The following KCND2 variants were observed in gnomAD, a reference collection of about 807,000 sequenced individuals.
KCND2 encodes the protein A-type voltage-gated potassium channel KCND2.
In KCND2, 16 loss-of-function variants were observed where a neutral mutation model predicts 54.4. The ratio of observed to expected loss-of-function variants is 0.29; its 90% CI spans 0.20 to 0.45. KCND2 has a LOEUF of 0.45. Ranked by LOEUF, KCND2 falls within the 20% of genes least tolerant of loss-of-function variation. The probability of loss-of-function intolerance (pLI) is 1.00; values close to 1 mark genes in which losing one functional copy is unlikely to be tolerated. For synonymous variants in KCND2, 317 were observed against 310.7 expected (o/e 1.02, Z -0.21); for missense variants, 486 against 824.2 (o/e 0.59, Z 5.02).
intron 1 of KCND2, among the ~76,000 whole-genome samples, chr7:120,389,708 A>T (rs55732347): frequency 0.1 from 15,517 of 151,934 alleles, 830 homozygotes; most frequent in Admixed American, 0.13. Flanking sequence ...GTTATATTTA[A>T]ATTCTACCAT....
chr7:120,451,213 C>A (rs1802102301), intron 1 of KCND2, among the ~76,000 whole-genome samples: 1 of 152,112 alleles, frequency 6.6e-6, no homozygotes, highest in African/African-American at 2.4e-5. Context: ...AGTCTGCCTG[C>A]AATTTGGTTA....
At chr7:120,597,095 A>G (rs988564821) in intron 1 of KCND2, among the ~76,000 whole-genome samples, 1 of 152,192 alleles carries the variant, frequency 6.6e-6, no homozygotes, top group African/African-American at 2.4e-5. Flanking sequence ...ACAGACTGGA[A>G]TAAGGGAGAT....
At chr7:120,343,582 TA>T (rs1257977455) in intron 1 of KCND2, among the ~76,000 whole-genome samples, 1 of 152,176 alleles carries the variant, frequency 6.6e-6, no homozygotes, top group African/African-American at 2.4e-5. Context: ...CATATGCAGA[TA>T]GCAAAGGTAA....
At chr7:120,326,936 T>C (rs1799987017) in intron 1 of KCND2, among the ~76,000 whole-genome samples, 1 of 152,066 alleles carries the variant, frequency 6.6e-6, no homozygotes, top group South Asian at 2.1e-4. Context: ...TCATGTCTAA[T>C]AGATCTGGTA....
chr7:120,641,404 C>T (rs929539186), intron 1 of KCND2, among the ~76,000 whole-genome samples: 5 of 152,142 alleles, frequency 3.3e-5, no homozygotes, highest in African/African-American at 9.7e-5. Context: ...CAAGCCTTCC[C>T]CTCCCCGGTA....
At chr7:120,645,071 G>A (rs1793422225) in intron 1 of KCND2, among the ~76,000 whole-genome samples, 1 of 152,142 alleles carries the variant, frequency 6.6e-6, no homozygotes, top group African/African-American at 2.4e-5. Context: ...TGTGTTATAG[G>A]TTGTTAAATG....
intron 1 of KCND2, among the ~76,000 whole-genome samples, chr7:120,422,496 G>A (rs148522420): frequency 7.8e-4 from 118 of 152,250 alleles, no homozygotes; most frequent in African/African-American, 2.8e-3. Flanking sequence ...ATCTGGCATT[G>A]GTGGCTACTG....
chr7:120,740,412 AAAG>A (rs1265691807), intron 2 of KCND2, among the ~76,000 whole-genome samples: 4 of 152,126 alleles, frequency 2.6e-5, no homozygotes, highest in African/African-American at 7.2e-5. Flanking sequence ...TAGAAGGGAA[AAAG>A]AAGAAGTTTT....
In KCND2 at chr7:120,362,026, T is replaced by C. The variant is rs147992449; in HGVS notation, c.1115+86279T>C. Among the ~76,000 whole-genome samples the C allele has an allele frequency of 1.2e-3, 181 of 152,188 alleles. 2 individuals carry two copies. Among genetic ancestry groups the C allele is most frequent in the East Asian group, 4.6e-3 (24 of 5,168 alleles). ...TAAAAAATTATAACCAAATCCATAA[T>C]CTTTCATTTTCTATAGCTAGGAAGT... On this transcript the variant is annotated intron_variant, in intron 1 of 5. Transcript: ENST00000331113.
At chr7:120,625,674 G>C (rs17594764) in intron 1 of KCND2, among the ~76,000 whole-genome samples, 9,825 of 152,084 alleles carry the variant, frequency 0.065, 488 homozygotes, top group South Asian at 0.086. Flanking sequence ...TTAAAATAAG[G>C]TACATACATA....
intron 1 of KCND2, among the ~76,000 whole-genome samples, chr7:120,352,898 A>G (rs919264982): frequency 2.8e-4 from 43 of 152,148 alleles, no homozygotes; most frequent in African/African-American, 1.0e-3. Context: ...ATAAGTGAAT[A>G]TAAGTTAAAG....
At chr7:120,734,962 A>G (rs1792853014) in intron 2 of KCND2, among the ~76,000 whole-genome samples, 1 of 152,102 alleles carries the variant, frequency 6.6e-6, no homozygotes, top group Non-Finnish European at 1.5e-5. Flanking sequence ...GGAAAGTTCT[A>G]GTTAATCACT....
intron 1 of KCND2, among the ~76,000 whole-genome samples, chr7:120,572,174 A>G (rs1051526396): frequency 6.6e-6 from 1 of 150,988 alleles, no homozygotes; most frequent in Admixed American, 6.6e-5. Context: ...CTAACTATGA[A>G]TGCTTTTTTT....
rs115092071 is a variant in KCND2, at chr7:120,470,212, G to C, written c.1115+194465G>C. ...AACAAATTAATAAAGTTCAAGGCTT[G>C]AATAGCACCTTTCACCCCTACCACT... On this transcript the variant is annotated intron_variant, in intron 1 of 5. Coordinates refer to ENST00000331113, the MANE Select transcript of KCND2 (RefSeq NM_012281.3). Among the ~76,000 whole-genome samples, 1,026 of 152,148 alleles carry C rather than the reference G, an allele frequency of 6.7e-3. 9 individuals carry two copies. Among genetic ancestry groups the C allele is most frequent in the African/African-American group, 0.023 (950 of 41,520 alleles).
At chr7:120,547,757 C>G (rs1584822717) in intron 1 of KCND2, among the ~76,000 whole-genome samples, 1 of 151,988 alleles carries the variant, frequency 6.6e-6, no homozygotes, top group East Asian at 1.9e-4. Flanking sequence ...CCTACATGTT[C>G]TTTGTGTTGT....
chr7:120,374,080 T>C (rs1800803209), intron 1 of KCND2, among the ~76,000 whole-genome samples: 1 of 151,770 alleles, frequency 6.6e-6, no homozygotes, highest in Admixed American at 6.6e-5. Flanking sequence ...AGATTGAAAG[T>C]AATTCAAAAG....
chr7:120,576,286 TTAG>T (rs1792433300), intron 1 of KCND2, among the ~76,000 whole-genome samples: 1 of 152,196 alleles, frequency 6.6e-6, no homozygotes, highest in Non-Finnish European at 1.5e-5. Flanking sequence ...AATTAAATAT[TTAG>T]TAGAATTTCT....
chr7:120,699,281 CAAAAA>C lies in KCND2; in HGVS notation c.1116-33613_1116-33609del, dbSNP rs201668632. 2.4e-3 allele frequency among the ~76,000 whole-genome samples: 330 copies of C among 138,548 alleles called. 1 individual carries two copies. Among genetic ancestry groups the C allele is most frequent in the African/African-American group, 8.5e-3 (322 of 37,936 alleles). The allele number at this position is 138,548 out of a possible 152,430, so 90.9% of individuals were successfully genotyped here. A position where few individuals can be genotyped will look rare whatever the true frequency, so the allele number is the denominator to read the frequency against. ...TGGGCAACAGAGTGAGACTCCATCTCAAAAAAAAAAAAAGTTATTAAATCAATGAA... is the reference window on the plus strand; with the variant it reads ...TGGGCAACAGAGTGAGACTCCATCTCAAAAAAAAGTTATTAAATCAATGAA... On this transcript the variant is annotated intron_variant, in intron 1 of 5. Coordinates refer to ENST00000331113, the MANE Select transcript of KCND2 (RefSeq NM_012281.3).
intron 1 of KCND2, among the ~76,000 whole-genome samples, chr7:120,282,363 T>C (rs1799278959): frequency 6.6e-6 from 1 of 152,128 alleles, no homozygotes; most frequent in African/African-American, 2.4e-5. Flanking sequence ...GTAAATGACA[T>C]AGGAGATAGA....
Sources: allele counts gnomAD v4.1 joint callset (sites outside exome capture counted in the v4.1 genomes callset), GRCh38; gene constraint gnomAD v4.1.1; transcripts MANE v1.5; gene names NCBI Gene and HGNC (gene_info 2026-07-23, HGNC 2026-07-21).